The following NRXN3 variants were observed in gnomAD, a reference collection of about 807,000 sequenced individuals.
The protein encoded by NRXN3 is neurexin III.
NRXN3 carries 32 observed loss-of-function variants against 137.6 expected under a neutral mutation model. The ratio of observed to expected loss-of-function variants is 0.23; its 90% CI spans 0.18 to 0.31. The LOEUF is 0.31. Among genes scored for constraint, NRXN3 ranks in the 10% least tolerant of loss-of-function variants. NRXN3 has a pLI of 1.00. For missense variants in NRXN3, 1,574 were observed against 2,062.5 expected (o/e 0.76, Z 4.59); for synonymous variants, 798 against 784.5 (o/e 1.02, Z -0.29).
chr14:78,902,664 A>G (rs1401569839), intron 10 of NRXN3, among the ~76,000 whole-genome samples: 2 of 151,958 alleles, frequency 1.3e-5, no homozygotes, highest in Non-Finnish European at 2.9e-5. Context: ...CCCATTGACT[A>G]TAGGATGAAA....
chr14:78,413,389 G>C (rs534253737), intron 4 of NRXN3, among the ~76,000 whole-genome samples: 2 of 152,186 alleles, frequency 1.3e-5, no homozygotes, highest in African/African-American at 4.8e-5. Flanking sequence ...GGGTTCAAGC[G>C]ATTCTCCTGC....
chr14:78,744,318 G>A (rs1276883076), intron 8 of NRXN3: 4 of 152,104 alleles, frequency 2.6e-5, no homozygotes, highest in South Asian at 2.1e-4. Flanking sequence ...TAGTAGAGGC[G>A]GGGTTTCGCC....
At chr14:79,012,627 G>A (rs1479709169) in intron 15 of NRXN3, among the ~76,000 whole-genome samples, 1 of 152,092 alleles carries the variant, frequency 6.6e-6, no homozygotes, top group Non-Finnish European at 1.5e-5. Flanking sequence ...CCTCTAAGAA[G>A]GCATGCCATT....
At chr14:79,824,112 A>G (rs148966213) in intron 20 of NRXN3, among the ~76,000 whole-genome samples, 1 of 152,328 alleles carries the variant, frequency 6.6e-6, no homozygotes, top group African/African-American at 2.4e-5. Context: ...ATGCCTGAAC[A>G]GTTCTCATCT....
chr14:79,095,662 TGA>T (rs10539681), intron 15 of NRXN3, among the ~76,000 whole-genome samples: 82,748 of 151,762 alleles, frequency 0.55, 24,129 homozygotes, highest in East Asian at 0.78. Context: ...AAAATACATG[TGA>T]GATTTGAAGA....
intron 15 of NRXN3, among the ~76,000 whole-genome samples, chr14:79,320,956 C>T (rs2089902058): frequency 6.6e-6 from 1 of 151,814 alleles, no homozygotes; most frequent in Non-Finnish European, 1.5e-5. Flanking sequence ...TTACTTGGTA[C>T]TCAATAAATG....
intron 1 of NRXN3, among the ~76,000 whole-genome samples, chr14:78,238,446 G>A (rs1174510705): frequency 2.0e-5 from 3 of 152,158 alleles, no homozygotes; most frequent in Non-Finnish European, 2.9e-5. Context: ...AGGGCTCCCT[G>A]GCTCCCGTTT....
chr14:79,719,406 A>ATATATGTGTG (rs1432816220), intron 19 of NRXN3, among the ~76,000 whole-genome samples: 1 of 150,736 alleles, frequency 6.6e-6, no homozygotes, highest in African/African-American at 2.4e-5. Flanking sequence ...ATGTGTGTAT[A>ATATATGTGTG]TATATATATA....
intron 4 of NRXN3, among the ~76,000 whole-genome samples, chr14:78,493,002 A>T (rs1372277662): frequency 6.6e-6 from 1 of 152,078 alleles, no homozygotes; most frequent in Non-Finnish European, 1.5e-5. Context: ...GTTTATCTTC[A>T]CCAGTTCTGG....
At chr14:79,807,697 T>C (rs1007545092) in intron 20 of NRXN3, among the ~76,000 whole-genome samples, 4 of 152,142 alleles carry the variant, frequency 2.6e-5, no homozygotes, top group African/African-American at 7.2e-5. Flanking sequence ...GGAGATAAAG[T>C]GAGTGACAGA....
intron 19 of NRXN3, among the ~76,000 whole-genome samples, chr14:79,719,441 AAATC>A (rs940902586): frequency 2.8e-5 from 3 of 106,690 alleles, no homozygotes; most frequent in Non-Finnish European, 6.1e-5. Context: ...TTCAAAAACA[AAATC>A]AAAACAAAAA....
At chr14:79,128,751 G>A (rs2056976078) in intron 15 of NRXN3, among the ~76,000 whole-genome samples, 3 of 152,056 alleles carry the variant, frequency 2.0e-5, no homozygotes, top group African/African-American at 7.2e-5. Flanking sequence ...CAGAAGGAAT[G>A]GTACCAATTC....
chr14:78,960,599 T>G (rs914593591), intron 11 of NRXN3, among the ~76,000 whole-genome samples: 1 of 152,208 alleles, frequency 6.6e-6, no homozygotes, highest in Non-Finnish European at 1.5e-5. Context: ...TAATAATAAT[T>G]GATTGATCTA....
At chr14:78,636,318 G>A (rs76709415) in intron 4 of NRXN3, among the ~76,000 whole-genome samples, 3,884 of 152,092 alleles carry the variant, frequency 0.026, 177 homozygotes, top group African/African-American at 0.088. Flanking sequence ...TCTTCCATAA[G>A]GGCAGAGTTT....
chr14:79,296,369 T>C (rs999613671), intron 15 of NRXN3, among the ~76,000 whole-genome samples: 3 of 151,686 alleles, frequency 2.0e-5, no homozygotes, highest in Admixed American at 2.0e-4. Context: ...AAGTGCTTCA[T>C]AGCAGAAATA....
intron 15 of NRXN3, among the ~76,000 whole-genome samples, chr14:78,996,169 T>A (rs527298658): frequency 1.5e-4 from 23 of 152,326 alleles, no homozygotes; most frequent in South Asian, 6.2e-4. Context: ...TTTTTCTTTT[T>A]TACCTTGAAT....
intron 2 of NRXN3, among the ~76,000 whole-genome samples, chr14:78,259,307 C>G (rs141971218): frequency 6.6e-6 from 1 of 152,040 alleles, no homozygotes. Context: ...AAGAAACAAA[C>G]GCAGAGAAAT....
intron 4 of NRXN3, among the ~76,000 whole-genome samples, chr14:78,504,412 T>C (rs1316181061): frequency 1.3e-5 from 2 of 152,174 alleles, no homozygotes; most frequent in African/African-American, 4.8e-5. Context: ...CTCTAGCTCA[T>C]TGGCAAAACC....
At chr14:79,613,887 T>C (rs1056426767) in intron 16 of NRXN3, among the ~76,000 whole-genome samples, 12 of 152,260 alleles carry the variant, frequency 7.9e-5, no homozygotes, top group African/African-American at 2.9e-4. Context: ...GTGATGCCTC[T>C]ACCACACCGC....
Sources: allele counts gnomAD v4.1 joint callset (sites outside exome capture counted in the v4.1 genomes callset), GRCh38; gene constraint gnomAD v4.1.1; transcripts MANE v1.5; gene names NCBI Gene and HGNC (gene_info 2026-07-23, HGNC 2026-07-21).